Variants in SCML2 observed in about 807,000 individuals in gnomAD.
The protein encoded by SCML2 is Scm polycomb group protein like 2, also known as sex comb on midleg-like protein 2.
SCML2 carries 6 observed loss-of-function variants against 48.4 expected under a neutral mutation model. The ratio of observed to expected loss-of-function variants is 0.12; its 90% CI spans 0.07 to 0.24. SCML2 has a LOEUF of 0.24. SCML2 is among the 10% of genes least tolerant of loss of function. The probability of loss-of-function intolerance (pLI) is 1.00; values close to 1 mark genes in which losing one functional copy is unlikely to be tolerated. For synonymous variants in SCML2, 181 were observed against 189.5 expected, an observed-to-expected ratio of 0.95 and a Z score of 0.37; for missense variants, 377 against 528.2, an observed-to-expected ratio of 0.71 and a Z score of 2.81.
chrX:18,324,211 G>C (rs969282666), intron 4 of SCML2, 118 bp from the exon 5 acceptor site: 1 of 487,328 alleles, frequency 2.1e-6, no homozygotes, highest in East Asian at 3.7e-5. Flanking sequence ...TGGATGATGA[G>C]TGAGGTCAGA....
intron 1 of SCML2, among the ~76,000 whole-genome samples, chrX:18,343,296 T>A (rs2051604): frequency 3.8e-5 from 4 of 106,429 alleles, no homozygotes. Context: ...AGGAACTGAA[T>A]AAATCTGACA....
At position 18,241,293 on chromosome X, in the gene SCML2, C is replaced by T; in HGVS notation, c.2061G>A (p.Leu687=). The T allele has an allele frequency of 8.3e-7, 1 of 1,202,323 alleles. No homozygotes were observed. Among genetic ancestry groups the T allele is most frequent in the South Asian group, 1.8e-5 (1 of 55,166 alleles). The stretch of plus-strand genomic sequence containing the variant: ...CTTTAAGCTTTTCAATGTAGTAACA[C>T]AGCTTTAATGCTGGCCCCAGCTTCA... The part of the protein sequence containing the change: ...MGLKLGPALK[L]CYYIEKLKEG... Residue 687 remains leucine (L), a synonymous_variant, in exon 15 of 15, where the codon CTG becomes CTA. Transcript: ENST00000251900.
At chrX:18,353,400 G>T (rs772902029) in intron 1 of SCML2, among the ~76,000 whole-genome samples, 3 of 111,769 alleles carry the variant, frequency 2.7e-5, no homozygotes, top group African/African-American at 6.5e-5. Flanking sequence ...AGCTCTGGGG[G>T]CATTAAAATG....
intron 1 of SCML2, among the ~76,000 whole-genome samples, chrX:18,343,939 A>AAAAAG (rs1555922520): frequency 9.5e-6 from 1 of 105,196 alleles, no homozygotes; most frequent in African/African-American, 3.5e-5. Flanking sequence ...AAAAAAAAAA[A>AAAAAG]AAAGAAAGAA....
intron 8 of SCML2, among the ~76,000 whole-genome samples, chrX:18,263,473 G>A (rs1927146369): frequency 9.0e-6 from 1 of 111,529 alleles, no homozygotes; most frequent in Admixed American, 9.6e-5. Flanking sequence ...AGCATTTCCT[G>A]CAGTGCTGGT....
At chrX:18,259,541 T>C (rs1360008512) in intron 9 of SCML2, among the ~76,000 whole-genome samples, 1 of 111,859 alleles carries the variant, frequency 8.9e-6, no homozygotes, top group Non-Finnish European at 1.9e-5. Flanking sequence ...GCTGATGACA[T>C]GGACAAATTC....
chrX:18,344,019 T>C (rs1156503550), intron 1 of SCML2, among the ~76,000 whole-genome samples: 1 of 106,278 alleles, frequency 9.4e-6, no homozygotes, highest in African/African-American at 3.4e-5. Flanking sequence ...CTATGACTTG[T>C]GGGAAACTTA....
intron 9 of SCML2, among the ~76,000 whole-genome samples, 174 bp downstream of exon 9, chrX:18,259,997 G>A (rs1342930697): frequency 1.8e-5 from 2 of 112,014 alleles, no homozygotes; most frequent in Non-Finnish European, 3.8e-5. Flanking sequence ...TTTCCTTAAT[G>A]TAAAATGGAA....
chrX:18,263,812 GTTTT>G (rs770262640), intron 8 of SCML2, among the ~76,000 whole-genome samples: 2 of 94,115 alleles, frequency 2.1e-5, no homozygotes, highest in African/African-American at 7.6e-5. Flanking sequence ...CAGGTTGATA[GTTTT>G]TTTTTTTTTT....
chrX:18,256,714 A>G, intron 11 of SCML2, 134 bp downstream of exon 11: 4 of 466,031 alleles, frequency 8.6e-6, no homozygotes, highest in Non-Finnish European at 1.0e-5. Flanking sequence ...GAATGAACAA[A>G]AACAACTATA....
At chrX:18,350,863 C>T (rs1436270685) in intron 1 of SCML2, among the ~76,000 whole-genome samples, 1 of 111,649 alleles carries the variant, frequency 9.0e-6, no homozygotes, top group African/African-American at 3.3e-5. Context: ...ATAAATTATG[C>T]CATTTTAATC....
rs184484545 is a variant in SCML2, at chrX:18,269,950, G to A, written c.731-4148C>T. 2.7e-5 allele frequency among the ~76,000 whole-genome samples: 3 copies of A among 109,376 alleles called. No homozygotes were observed. In the East Asian group the frequency reaches 8.5e-4, roughly 31 times the overall value. 95.0% of individuals were successfully genotyped at this position (109,376 alleles called of 115,157 possible). A position where few individuals can be genotyped will look rare whatever the true frequency, so the allele number is the denominator to read the frequency against. On this transcript the variant is annotated intron_variant, in intron 7 of 14. Transcript: ENST00000251900. ...ATAGTCCCCTAAAGTATATATATTT[G>A]TTCTATATTATAATAAAAATTTTTT...
At chrX:18,320,666 G>T (rs1384180091) in intron 5 of SCML2, among the ~76,000 whole-genome samples, 1 of 111,157 alleles carries the variant, frequency 9.0e-6, no homozygotes, top group Non-Finnish European at 1.9e-5. Context: ...TCACTAGCTA[G>T]AATTCACAAA....
chrX:18,320,607 T>C (rs890854912), intron 5 of SCML2, among the ~76,000 whole-genome samples, 187 bp from the exon 6 acceptor site: 4 of 111,572 alleles, frequency 3.6e-5, no homozygotes, highest in Middle Eastern at 4.7e-3. Context: ...CACTGTACTG[T>C]CTGGCAACAA....
At chrX:18,271,639 A>T (rs1369518127) in intron 7 of SCML2, among the ~76,000 whole-genome samples, 1 of 109,689 alleles carries the variant, frequency 9.1e-6, no homozygotes, top group Non-Finnish European at 1.9e-5. Context: ...ATTCTGGGGG[A>T]TACATTCTGA....
intron 6 of SCML2, among the ~76,000 whole-genome samples, chrX:18,310,361 G>T (rs779101276): frequency 1.9e-4 from 20 of 103,703 alleles, no homozygotes; most frequent in Admixed American, 1.5e-3. Context: ...CACCTCCTGG[G>T]TTCAAGCAAT....
intron 7 of SCML2, among the ~76,000 whole-genome samples, chrX:18,269,331 C>T (rs993089268): frequency 3.6e-5 from 4 of 111,055 alleles, no homozygotes; most frequent in East Asian, 2.8e-4. Context: ...AGAGTTCTCA[C>T]GAGATCTGAT....
intron 6 of SCML2, among the ~76,000 whole-genome samples, chrX:18,318,222 G>A (rs1929195195): frequency 8.9e-6 from 1 of 112,791 alleles, no homozygotes; most frequent in African/African-American, 3.2e-5. Flanking sequence ...TCCCTTGCAG[G>A]TAGGGCAAGT....
At chrX:18,342,719 A>C (rs1481508127) in intron 1 of SCML2, among the ~76,000 whole-genome samples, 2 of 111,213 alleles carry the variant, frequency 1.8e-5, no homozygotes, top group Non-Finnish European at 3.8e-5. Context: ...CTCAAAAAAA[A>C]AAAAAAAGAC....
Sources: gnomAD v4.1 joint callset for allele counts (sites outside exome capture counted in the v4.1 genomes callset) on GRCh38, gnomAD v4.1.1 for gene constraint, MANE v1.5 for transcripts, NCBI Gene and HGNC (gene_info 2026-07-23, HGNC 2026-07-21) for gene names.